The following TMEM181 variants were observed in gnomAD, a reference collection of about 807,000 sequenced individuals.
The protein encoded by TMEM181 is G protein-coupled receptor 178.
In TMEM181, 39 loss-of-function variants were observed where a neutral mutation model predicts 71.9. The observed-to-expected ratio is 0.54, with a 90% confidence interval of 0.42 to 0.71. The LOEUF (loss-of-function observed/expected upper bound fraction) is 0.71. Among genes scored for constraint, TMEM181 ranks in the 30% least tolerant of loss-of-function variants. TMEM181 has a pLI of 0.00. For missense variants in TMEM181, 595 were observed against 583.0 expected (o/e 1.02, Z -0.21); for synonymous variants, 245 against 228.8 (o/e 1.07, Z -0.64).
At chr6:158,587,290 A>G (rs1334742011) in intron 5 of TMEM181, among the ~76,000 whole-genome samples, 1 of 152,146 alleles carries the variant, frequency 6.6e-6, no homozygotes, top group East Asian at 1.9e-4. Context: ...CGTGCTGTGC[A>G]TCTTGAGAAT....
Position 158,579,576 on chromosome 6 carries a change from G to A in TMEM181, c.113-1364G>A, listed in dbSNP as rs575898331. 1.2e-3 allele frequency among the ~76,000 whole-genome samples: 187 copies of A among 151,312 alleles called. 1 individual carries two copies. Among genetic ancestry groups the A allele is most frequent in the African/African-American group, 4.0e-3 (167 of 41,266 alleles). ...CTCTACTAAAATGCAAAAATTAGCC[G>A]AGCATGGTGGTAAGCACCTGTAATC... On this transcript the variant is annotated intron_variant, in intron 2 of 16. Coordinates refer to ENST00000684151, the MANE Select transcript of TMEM181 (RefSeq NM_001376852.1).
At chr6:158,551,749 T>C (rs1582926791) in intron 1 of TMEM181, among the ~76,000 whole-genome samples, 2 of 152,316 alleles carry the variant, frequency 1.3e-5, no homozygotes. Flanking sequence ...TGATAATGTA[T>C]TATCTAATTT....
chr6:158,629,664 C>A, intron 14 of TMEM181, 66 bp from the exon 15 acceptor site: 1 of 1,349,480 alleles, frequency 7.4e-7, no homozygotes, highest in South Asian at 1.4e-5. Flanking sequence ...GAGGAGTGGT[C>A]GGGCTGTAGG....
At chr6:158,542,308 T>G (rs1230880931) in intron 1 of TMEM181, among the ~76,000 whole-genome samples, 1 of 152,216 alleles carries the variant, frequency 6.6e-6, no homozygotes, top group Non-Finnish European at 1.5e-5. Context: ...TTGAATTATA[T>G]TTTGTCAGAT....
chr6:158,576,744 A>T (rs1235211488), intron 2 of TMEM181, among the ~76,000 whole-genome samples: 1 of 152,128 alleles, frequency 6.6e-6, no homozygotes, highest in Admixed American at 6.5e-5. Context: ...ACATTATTAG[A>T]TTTAAGTGTC....
chr6:158,626,484 A>C (rs777353094), intron 13 of TMEM181: 4 of 456,620 alleles, frequency 8.8e-6, no homozygotes, highest in South Asian at 6.2e-5. Context: ...ATGAGTGACA[A>C]GGGGCCTCTG....
chr6:158,623,014 G>A (rs1049561825), intron 10 of TMEM181, among the ~76,000 whole-genome samples: 3 of 152,142 alleles, frequency 2.0e-5, no homozygotes, highest in Non-Finnish European at 2.9e-5. Context: ...GGACTTTCAC[G>A]GAGTAGCTCC....
intron 2 of TMEM181, among the ~76,000 whole-genome samples, chr6:158,579,537 TG>T (rs34783230): frequency 0.32 from 47,806 of 151,596 alleles, 7,967 homozygotes; most frequent in East Asian, 0.65. Context: ...CTGGCCAACA[TG>T]ATGAAACCCC....
At chr6:158,615,308 A>G (rs1356040331) in intron 10 of TMEM181, among the ~76,000 whole-genome samples, 2 of 152,222 alleles carry the variant, frequency 1.3e-5, no homozygotes, top group Admixed American at 6.5e-5. Flanking sequence ...GTCTGTTCAT[A>G]TCCTTCACCC....
At position 158,608,571 on chromosome 6, in the gene TMEM181, C is replaced by T. The variant is rs371643908; in HGVS notation, c.805-88C>T. 1,134 of 1,598,680 alleles carry T rather than the reference C, an allele frequency of 7.1e-4. 18 individuals carry two copies. In the South Asian group the frequency reaches 0.012, roughly 17 times the overall value. On this transcript the variant is annotated intron_variant, in intron 9 of 16. Transcript: ENST00000684151. ...GAATTTATCCATGGAAGCCTGTCTG[C>T]AGGCCCATACTCAATGGAAAAATCA...
chr6:158,635,073 G>A lies in TMEM181; in HGVS notation c.*3185G>A, dbSNP rs1786879798. ...GATCTTTTCCCCTGGCCAAAGGGAA[G>A]TTGTATTAGTCTGTGACATCTTGTG... On this transcript the variant is annotated 3_prime_UTR_variant, in exon 17 of 17. Coordinates refer to ENST00000684151, the MANE Select transcript of TMEM181 (RefSeq NM_001376852.1). 1 of 151,244 alleles carries A rather than the reference G, an allele frequency of 6.6e-6. No individual in the cohort carries two copies. Among genetic ancestry groups the A allele is most frequent in the South Asian group, 2.1e-4 (1 of 4,814 alleles). The allele number at this position is 151,244 out of a possible 1,614,324, so 9.4% of individuals were successfully genotyped here. A position where few individuals can be genotyped will look rare whatever the true frequency, so the allele number is the denominator to read the frequency against.
upstream of TMEM181, among the ~76,000 whole-genome samples, chr6:158,558,261 A>G (rs1781978220): frequency 1.3e-5 from 2 of 152,258 alleles, no homozygotes; most frequent in Non-Finnish European, 2.9e-5. Context: ...GGCTGGAGGT[A>G]GATACTGGCT....
At chr6:158,559,378 A>C (rs976263367), upstream of TMEM181, among the ~76,000 whole-genome samples, 1 of 152,234 alleles carries the variant, frequency 6.6e-6, no homozygotes, top group African/African-American at 2.4e-5. Context: ...ATACATTGCA[A>C]AGGAAGCTTG....
intron 5 of TMEM181, among the ~76,000 whole-genome samples, chr6:158,588,385 C>T (rs937967689): frequency 4.6e-5 from 7 of 152,210 alleles, no homozygotes; most frequent in African/African-American, 1.7e-4. Flanking sequence ...GGTCAGCACC[C>T]CACTGTGTTA....
At chr6:158,543,953 A>G (rs993193028) in intron 1 of TMEM181, among the ~76,000 whole-genome samples, 6 of 152,210 alleles carry the variant, frequency 3.9e-5, no homozygotes, top group African/African-American at 1.4e-4. Flanking sequence ...AACAAGAGTC[A>G]GGAGGACTAG....
At chr6:158,579,912 C>T (rs9456325) in intron 2 of TMEM181, among the ~76,000 whole-genome samples, 60,087 of 151,912 alleles carry the variant, frequency 0.4, 12,294 homozygotes, top group Middle Eastern at 0.52. Flanking sequence ...CAGCCAGGGG[C>T]TGGGGGAAGG....
chr6:158,623,682 A>G (rs1329436067), intron 11 of TMEM181, 75 bp downstream of exon 11: 1 of 1,119,206 alleles, frequency 8.9e-7, no homozygotes, highest in East Asian at 2.5e-5. Context: ...TTGTGACTTA[A>G]ATTGTTCTGT....
chr6:158,589,925 A>T, intron 6 of TMEM181, 143 bp downstream of exon 6: 1 of 636,850 alleles, frequency 1.6e-6, no homozygotes, highest in East Asian at 2.8e-5. Flanking sequence ...AATTATAGGA[A>T]AACTACAGTT....
chr6:158,558,003 C>T (rs944542445), upstream of TMEM181, among the ~76,000 whole-genome samples: 19 of 152,124 alleles, frequency 1.2e-4, no homozygotes, highest in Non-Finnish European at 2.4e-4. Context: ...GAGCTGAGGG[C>T]CATGTGGTTG....
Sources: allele counts gnomAD v4.1 joint callset (sites outside exome capture counted in the v4.1 genomes callset), GRCh38; gene constraint gnomAD v4.1.1; transcripts MANE v1.5; gene names NCBI Gene and HGNC (gene_info 2026-07-23, HGNC 2026-07-21).